Variants in OCA2 observed in about 807,000 individuals in gnomAD.
The protein encoded by OCA2 is OCA2 melanosomal transmembrane protein, also known as P protein.
A neutral mutation model predicts 100.2 loss-of-function variants in OCA2; 77 were observed. The observed-to-expected ratio is 0.77, with a 90% confidence interval of 0.64 to 0.93. OCA2 has a LOEUF of 0.93. OCA2 is among the 40% of genes least tolerant of loss of function. The probability of loss-of-function intolerance (pLI) is 0.00; values close to 1 mark genes in which losing one functional copy is unlikely to be tolerated. For synonymous variants in OCA2, 432 were observed against 439.2 expected (o/e 0.98, Z 0.21); for missense variants, 1,062 against 1,089.1 (o/e 0.98, Z 0.35).
chr15:27,984,939 T>C, intron 13 of OCA2, 125 bp downstream of exon 13: 1 of 1,090,740 alleles, frequency 9.2e-7, no homozygotes, highest in Non-Finnish European at 1.4e-6. Context: ...TGCAGTGAGC[T>C]GTGGGCTCAA....
intron 19 of OCA2, among the ~76,000 whole-genome samples, chr15:27,925,055 T>A (rs2038995694): frequency 6.6e-6 from 1 of 152,152 alleles, no homozygotes; most frequent in East Asian, 1.9e-4. Context: ...TATAAAAGTA[T>A]ATACACTTAA....
At chr15:27,900,382 T>A (rs559897606) in intron 19 of OCA2, among the ~76,000 whole-genome samples, 1 of 152,110 alleles carries the variant, frequency 6.6e-6, no homozygotes, top group African/African-American at 2.4e-5. Context: ...ACTCCCATAC[T>A]GGGAGCCTCC....
At chr15:27,888,833 G>A (rs1274535192) in intron 19 of OCA2, among the ~76,000 whole-genome samples, 4 of 152,114 alleles carry the variant, frequency 2.6e-5, no homozygotes, top group African/African-American at 9.7e-5. Context: ...AGAGCTCCCA[G>A]AGTGGTTTTT....
rs565524140 is a variant in OCA2 at position 28,097,362 on chromosome 15, G to C, written c.-22+1862C>G. On this transcript the variant is annotated intron_variant, in intron 1 of 23. Coordinates refer to ENST00000354638, the MANE Select transcript of OCA2 (RefSeq NM_000275.3). ...CGGAAACCCAACAACCAGCGAGTGA[G>C]CTGGTAGAGCCAGCGGCCCCAAGGA... Among the ~76,000 whole-genome samples the C allele has an allele frequency of 2.2e-4, 33 of 152,358 alleles. 1 individual carries two copies. The South Asian group carries it at 4.8e-3, about 22-fold the overall frequency.
chr15:28,073,698 C>T lies in OCA2; in HGVS notation c.227+7950G>A, dbSNP rs1309654947. Among the ~76,000 whole-genome samples the T allele has an allele frequency of 3.9e-5, 6 of 152,320 alleles. No individual in the cohort carries two copies. In the East Asian group the frequency reaches 9.7e-4, roughly 25 times the overall value. On this transcript the variant is annotated intron_variant, in intron 2 of 23. Coordinates refer to ENST00000354638, the MANE Select transcript of OCA2 (RefSeq NM_000275.3). Reference sequence around the variant, plus strand: ...GGATCCATACTCCAAACCTCAACATCACATAATATTCTCATGTAACAAATC... The same window carrying T: ...GGATCCATACTCCAAACCTCAACATTACATAATATTCTCATGTAACAAATC...
rs148603860 is a variant in OCA2 at position 28,005,467 on chromosome 15, G to A, written c.1044+9309C>T. ...CAGCAGGTGCGCTACATCCTACATC[G>A]AGGCGTCGCAGGAACGCATTCCTTC... On this transcript the variant is annotated intron_variant, in intron 9 of 23. Transcript: ENST00000354638. Among the ~76,000 whole-genome samples, 41 of 152,166 alleles carry A rather than the reference G, an allele frequency of 2.7e-4. 1 individual carries two copies. Among genetic ancestry groups the A allele is most frequent in the African/African-American group, 9.6e-4 (40 of 41,526 alleles).
intron 21 of OCA2, 34 bp from the exon 22 acceptor site, chr15:27,851,509 A>C (rs375766416): frequency 6.4e-7 from 1 of 1,552,798 alleles, no homozygotes; most frequent in African/African-American, 1.4e-5. Flanking sequence ...GCCACGTCCC[A>C]TGGACGCTCA....
intron 18 of OCA2, among the ~76,000 whole-genome samples, chr15:27,949,940 T>C (rs1184964885): frequency 6.6e-6 from 1 of 152,014 alleles, no homozygotes; most frequent in Non-Finnish European, 1.5e-5. Context: ...AAGCCCTAAC[T>C]AAAAACAAAA....
intron 18 of OCA2, among the ~76,000 whole-genome samples, chr15:27,941,730 A>T (rs2039654847): frequency 6.6e-6 from 1 of 151,656 alleles, no homozygotes. Context: ...CATGATGCTC[A>T]GGAAGGGAGA....
At chr15:27,939,324 C>T (rs1210599003) in intron 18 of OCA2, among the ~76,000 whole-genome samples, 3 of 152,106 alleles carry the variant, frequency 2.0e-5, no homozygotes, top group African/African-American at 7.2e-5. Context: ...GAGTATTATT[C>T]ACCACTCCAA....
At chr15:28,054,995 G>A (rs575496013) in intron 2 of OCA2, among the ~76,000 whole-genome samples, 2 of 152,236 alleles carry the variant, frequency 1.3e-5, no homozygotes, top group South Asian at 2.1e-4. Context: ...GGGAAACCAC[G>A]CCCGTGATTC....
At chr15:28,086,224 G>A (rs192800721) in intron 1 of OCA2, among the ~76,000 whole-genome samples, 1 of 152,194 alleles carries the variant, frequency 6.6e-6, no homozygotes, top group Non-Finnish European at 1.5e-5. Context: ...GGTGTCAGAG[G>A]AGGCCAAATG....
intron 23 of OCA2, among the ~76,000 whole-genome samples, chr15:27,805,794 G>C (rs1446680008): frequency 1.3e-5 from 2 of 152,126 alleles, no homozygotes; most frequent in Non-Finnish European, 2.9e-5. Flanking sequence ...GGTAATGGAG[G>C]CTTCGGGAGT....
intron 23 of OCA2, among the ~76,000 whole-genome samples, chr15:27,775,314 C>G (rs973732509): frequency 6.6e-6 from 1 of 152,178 alleles, no homozygotes; most frequent in African/African-American, 2.4e-5. Context: ...TGTTCTCTTC[C>G]CCTCTAACTG....
At chr15:28,005,039 G>C (rs1395866804) in intron 9 of OCA2, among the ~76,000 whole-genome samples, 3 of 152,116 alleles carry the variant, frequency 2.0e-5, no homozygotes, top group Non-Finnish European at 2.9e-5. Flanking sequence ...GACAGAAACT[G>C]TGTGCCGGCC....
chr15:27,862,147 G>C (rs2036156241), intron 21 of OCA2, among the ~76,000 whole-genome samples: 3 of 151,072 alleles, frequency 2.0e-5, no homozygotes, highest in African/African-American at 7.3e-5. Flanking sequence ...AAGTCCTCAT[G>C]GACAGAAAGC....
intron 18 of OCA2, among the ~76,000 whole-genome samples, chr15:27,948,051 G>A (rs1766540072): frequency 6.6e-6 from 1 of 152,166 alleles, no homozygotes; most frequent in South Asian, 2.1e-4. Flanking sequence ...TTCTACTAAT[G>A]AACCAGGCAT....
the OCA2 span, among the ~76,000 whole-genome samples, chr15:27,733,695 G>A: frequency 6.6e-6 from 1 of 152,002 alleles, no homozygotes; most frequent in African/African-American, 2.4e-5. Flanking sequence ...TGCAGTAGGT[G>A]TTCACTAAAC....
intron 23 of OCA2, among the ~76,000 whole-genome samples, chr15:27,759,213 C>T (rs928995848): frequency 2.0e-5 from 3 of 151,892 alleles, no homozygotes; most frequent in African/African-American, 7.3e-5. Context: ...TCAAAAATAT[C>T]CTTCAGGAAT....
Sources: gnomAD v4.1 joint callset for allele counts (sites outside exome capture counted in the v4.1 genomes callset) on GRCh38, gnomAD v4.1.1 for gene constraint, MANE v1.5 for transcripts, NCBI Gene and HGNC (gene_info 2026-07-23, HGNC 2026-07-21) for gene names.